CTNNA2: variants seen among roughly 807,000 people sequenced by gnomAD.
CTNNA2 encodes the protein catenin alpha-2.
A neutral mutation model predicts 101.0 loss-of-function variants in CTNNA2; 42 were observed. The ratio of observed to expected loss-of-function variants is 0.42; its 90% CI spans 0.32 to 0.54. The LOEUF (loss-of-function observed/expected upper bound fraction) is 0.54, where lower values mean the gene tolerates loss of function less well. Ranked by LOEUF, CTNNA2 falls within the 20% of genes least tolerant of loss-of-function variation. The pLI, the probability that CTNNA2 is intolerant of heterozygous loss-of-function variation, is 0.14. For synonymous variants in CTNNA2, 450 were observed against 456.4 expected (o/e 0.99, Z 0.18); for missense variants, 871 against 1,223.1 (o/e 0.71, Z 4.29).
chr2:79,556,460 C>T (rs1558726828), intron 1 of CTNNA2, among the ~76,000 whole-genome samples: 1 of 152,040 alleles, frequency 6.6e-6, no homozygotes, highest in Non-Finnish European at 1.5e-5. Context: ...GAAGATGTAG[C>T]TGCCTTTTTC....
At chr2:79,912,755 G>A (rs1004527087) in intron 7 of CTNNA2, among the ~76,000 whole-genome samples, 1 of 152,170 alleles carries the variant, frequency 6.6e-6, no homozygotes, top group Admixed American at 6.5e-5. Flanking sequence ...AAAAGGATGC[G>A]CGGCCTATAG....
chr2:79,628,493 C>T (rs1679471309), intron 1 of CTNNA2, among the ~76,000 whole-genome samples: 1 of 151,526 alleles, frequency 6.6e-6, no homozygotes, highest in East Asian at 1.9e-4. Flanking sequence ...ATCCGGTTGT[C>T]AACTGTAGAA....
intron 2 of CTNNA2, among the ~76,000 whole-genome samples, chr2:79,209,816 A>C (rs1674147176): frequency 2.0e-5 from 1 of 49,224 alleles, no homozygotes; most frequent in Non-Finnish European, 3.5e-5. Context: ...AAAATCACCC[A>C]GCTCAGGCCT....
chr2:79,965,772 C>T (rs951834198), intron 7 of CTNNA2, among the ~76,000 whole-genome samples: 5 of 119,602 alleles, frequency 4.2e-5, no homozygotes, highest in African/African-American at 6.5e-5. Context: ...TGCAGTGAGA[C>T]AAGATGGCAC....
intron 7 of CTNNA2, among the ~76,000 whole-genome samples, chr2:80,019,343 T>C (rs554416681): frequency 5.2e-4 from 79 of 152,336 alleles, no homozygotes; most frequent in African/African-American, 1.9e-3. Flanking sequence ...GGTTGAAATA[T>C]AGTTTGCAAT....
At chr2:79,435,243 A>T (rs540486999) in intron 4 of CTNNA2, among the ~76,000 whole-genome samples, 1 of 152,276 alleles carries the variant, frequency 6.6e-6, no homozygotes, top group African/African-American at 2.4e-5. Flanking sequence ...CCCAGATTGC[A>T]TTCCTTTTGT....
intron 1 of CTNNA2, among the ~76,000 whole-genome samples, chr2:79,615,155 A>G (rs1423947915): frequency 6.6e-6 from 1 of 152,148 alleles, no homozygotes; most frequent in Non-Finnish European, 1.5e-5. Flanking sequence ...TTGGATTACC[A>G]AATAACCAAA....
chr2:79,778,080 GC>G (rs555807157), intron 3 of CTNNA2, among the ~76,000 whole-genome samples: 77 of 152,206 alleles, frequency 5.1e-4, no homozygotes, highest in Admixed American at 9.8e-4. Flanking sequence ...GGTGGCTCAT[GC>G]CTGTAATTCC....
chr2:80,245,388 A>G (rs11894367), intron 7 of CTNNA2, among the ~76,000 whole-genome samples: 2,158 of 152,294 alleles, frequency 0.014, 58 homozygotes, highest in African/African-American at 0.049. Context: ...TTTCCCTAAA[A>G]TTGTATCACT....
chr2:79,364,552 T>C (rs1421086694), intron 3 of CTNNA2, among the ~76,000 whole-genome samples: 1 of 152,216 alleles, frequency 6.6e-6, no homozygotes, highest in Non-Finnish European at 1.5e-5. Flanking sequence ...GAATAATACA[T>C]TAAACAAAAC....
intron 2 of CTNNA2, among the ~76,000 whole-genome samples, chr2:79,672,928 G>T (rs917394445): frequency 2.0e-5 from 3 of 151,816 alleles, no homozygotes; most frequent in Non-Finnish European, 4.4e-5. Flanking sequence ...GGCTGATCTC[G>T]AACTTCTGAC....
At chr2:79,316,663 C>T (rs1315841861) in intron 3 of CTNNA2, among the ~76,000 whole-genome samples, 1 of 151,620 alleles carries the variant, frequency 6.6e-6, no homozygotes, top group Non-Finnish European at 1.5e-5. Context: ...AAACATTTTA[C>T]TATTTTTAAT....
At chr2:79,960,516 T>TTA (rs1689555999) in intron 7 of CTNNA2, among the ~76,000 whole-genome samples, 1 of 152,216 alleles carries the variant, frequency 6.6e-6, no homozygotes, top group South Asian at 2.1e-4. Flanking sequence ...AGCAAAGCCA[T>TTA]TAGCTACTTC....
chr2:80,631,698 C>T (rs1481043512), intron 18 of CTNNA2, among the ~76,000 whole-genome samples: 1 of 152,030 alleles, frequency 6.6e-6, no homozygotes, highest in Non-Finnish European at 1.5e-5. Context: ...CCTTAAATGC[C>T]CTTTATTTCA....
chr2:79,990,270 C>A (rs1692076749), intron 7 of CTNNA2, among the ~76,000 whole-genome samples: 1 of 152,138 alleles, frequency 6.6e-6, no homozygotes, highest in African/African-American at 2.4e-5. Flanking sequence ...CCTTAGAACT[C>A]CCTGTGTCCA....
intron 2 of CTNNA2, among the ~76,000 whole-genome samples, chr2:79,215,814 G>T (rs1205010655): frequency 6.6e-6 from 1 of 152,154 alleles, no homozygotes; most frequent in Non-Finnish European, 1.5e-5. Context: ...CGGGTGTGAG[G>T]AGGGGAGGTG....
chr2:80,523,035 G>C (rs560337005), intron 9 of CTNNA2, among the ~76,000 whole-genome samples: 1 of 152,252 alleles, frequency 6.6e-6, no homozygotes, highest in Admixed American at 6.5e-5. Flanking sequence ...ATAAAGGTAA[G>C]AGTGAGAAGC....
intron 7 of CTNNA2, among the ~76,000 whole-genome samples, chr2:80,106,327 T>A (rs978702931): frequency 2.0e-5 from 3 of 152,180 alleles, no homozygotes; most frequent in Admixed American, 6.5e-5. Flanking sequence ...TGGGCTGAGC[T>A]TCTTCCTAGA....
chr2:79,509,827 G>A (rs1298316999), upstream of CTNNA2, among the ~76,000 whole-genome samples: 2 of 152,196 alleles, frequency 1.3e-5, no homozygotes, highest in African/African-American at 4.8e-5. Context: ...GTTGATCACA[G>A]GGAGTCGTGC....
Sources: allele counts gnomAD v4.1 joint callset (sites outside exome capture counted in the v4.1 genomes callset), GRCh38; gene constraint gnomAD v4.1.1; transcripts MANE v1.5; gene names NCBI Gene and HGNC (gene_info 2026-07-23, HGNC 2026-07-21).